GLIS1: variants seen among roughly 807,000 people sequenced by gnomAD.
GLIS1 encodes the protein zinc finger protein GLIS1.
GLIS1 carries 24 observed loss-of-function variants against 63.8 expected under a neutral mutation model. The observed-to-expected ratio is 0.38, with a 90% CI of 0.27 to 0.53. GLIS1 has a LOEUF of 0.53. GLIS1 is among the 20% of genes least tolerant of loss of function. GLIS1 has a pLI of 0.85. For synonymous variants in GLIS1, 450 were observed against 482.5 expected (o/e 0.93, Z 0.88); for missense variants, 1,036 against 1,074.1 (o/e 0.96, Z 0.50).
chr1:53,507,743 A>G (rs1351110972), intron 10 of GLIS1, among the ~76,000 whole-genome samples: 2 of 152,104 alleles, frequency 1.3e-5, no homozygotes, highest in Non-Finnish European at 2.9e-5. Flanking sequence ...AGGCTGAAAG[A>G]ACCTCCCCTG....
rs377702387 is a variant in GLIS1, at chr1:53,579,599, A to G, written c.1320+14509T>C. Among the ~76,000 whole-genome samples, 7 of 152,356 alleles carry G rather than the reference A, an allele frequency of 4.6e-5. No individual in the cohort carries two copies. The South Asian group carries it at 8.3e-4, about 18-fold the overall frequency. The stretch of plus-strand genomic sequence containing the variant: ...CCCGACAGAGGTGCTGACTGCAGGC[A>G]TCATACCCTCTGTTCCTATCAGCTG... On this transcript the variant is annotated intron_variant, in intron 4 of 10. Transcript: ENST00000628545.
chr1:53,556,098 G>GGT (rs146005547), intron 4 of GLIS1, among the ~76,000 whole-genome samples: 1 of 130,384 alleles, frequency 7.7e-6, no homozygotes, highest in Admixed American at 7.9e-5. Flanking sequence ...GTGTACTGCA[G>GGT]GTGTGTGTGT....
intron 4 of GLIS1, among the ~76,000 whole-genome samples, chr1:53,544,423 GT>G: frequency 6.6e-6 from 1 of 152,162 alleles, no homozygotes; most frequent in Non-Finnish European, 1.5e-5. Context: ...CCAGGTACAT[GT>G]GCATCCTGCC....
At chr1:53,687,987 G>C (rs930708017) in intron 2 of GLIS1, among the ~76,000 whole-genome samples, 5 of 152,162 alleles carry the variant, frequency 3.3e-5, no homozygotes, top group African/African-American at 1.2e-4. Flanking sequence ...AAGCCCGGAG[G>C]ACCCAGCCTC....
chr1:53,630,848 T>C (rs752341104), intron 2 of GLIS1, among the ~76,000 whole-genome samples: 3 of 152,236 alleles, frequency 2.0e-5, no homozygotes, highest in Admixed American at 2.0e-4. Flanking sequence ...AGGATTTCCT[T>C]TCTCTCTGCT....
At chr1:53,675,452 G>A (rs1646200949) in intron 2 of GLIS1, among the ~76,000 whole-genome samples, 1 of 152,196 alleles carries the variant, frequency 6.6e-6, no homozygotes, top group African/African-American at 2.4e-5. Flanking sequence ...GGTGGTGCCT[G>A]GCTCAGACCC....
At chr1:53,720,949 G>C (rs1447381451) in intron 2 of GLIS1, among the ~76,000 whole-genome samples, 2 of 151,430 alleles carry the variant, frequency 1.3e-5, no homozygotes, top group African/African-American at 4.8e-5. Context: ...AGTGGGCCGA[G>C]ATCACGCCAC....
At chr1:53,652,563 C>T (rs1043380319) in intron 2 of GLIS1, among the ~76,000 whole-genome samples, 82 of 152,134 alleles carry the variant, frequency 5.4e-4, no homozygotes, top group African/African-American at 2.0e-3. Flanking sequence ...ACCATGAGCC[C>T]CTGGAGGGCA....
At chr1:53,620,438 T>G (rs1179348654) in intron 2 of GLIS1, among the ~76,000 whole-genome samples, 1 of 152,236 alleles carries the variant, frequency 6.6e-6, no homozygotes, top group Non-Finnish European at 1.5e-5. Flanking sequence ...TTCTTCTCAC[T>G]GCCAGTTTAT....
intron 4 of GLIS1, among the ~76,000 whole-genome samples, chr1:53,588,641 T>C (rs1303926340): frequency 6.6e-6 from 1 of 152,164 alleles, no homozygotes; most frequent in Non-Finnish European, 1.5e-5. Flanking sequence ...GGCCTTAAAA[T>C]GCTCAAGCCC....
In GLIS1 at chr1:53,594,956, T is replaced by A; in HGVS notation, c.472A>T (p.Ser158Cys). Residue 158 changes from serine to cysteine, a missense_variant, in exon 4 of 11, where the codon AGC becomes TGC. Around this residue, in one of 3 missense-constraint regions of GLIS1, gnomAD observed 592 missense variants for 593.9 expected, o/e 1.00. Transcript: ENST00000628545. Reference protein sequence around the residue: ...PRPQATYVNGSLPTTQHIKQE... With the variant: ...PRPQATYVNGCLPTTQHIKQE... ...TTGATGTGTTGTGTGGTTGGGAGGC[T>A]GCCGTTCACATACGTGGCCTGGGGT... The A allele has an allele frequency of 1.4e-6, 2 of 1,461,536 alleles. No individual in the cohort carries two copies. The highest frequency in any genetic ancestry group is 1.8e-6 in the Non-Finnish European group (2 of 1,113,272). 90.5% of individuals were successfully genotyped at this position (1,461,536 alleles called of 1,614,324 possible). A position where few individuals can be genotyped will look rare whatever the true frequency, so the allele number is the denominator to read the frequency against.
intron 4 of GLIS1, among the ~76,000 whole-genome samples, chr1:53,536,393 T>C (rs1644582054): frequency 6.6e-6 from 1 of 152,094 alleles, no homozygotes; most frequent in African/African-American, 2.4e-5. Context: ...TAAAACATAT[T>C]TGAAGATGAA....
chr1:53,588,196 G>C (rs1645154849), intron 4 of GLIS1, among the ~76,000 whole-genome samples: 2 of 152,078 alleles, frequency 1.3e-5, no homozygotes, highest in South Asian at 4.1e-4. Flanking sequence ...TCAGCTCCTG[G>C]CTCCCCTCCC....
chr1:53,684,278 C>T (rs1306937181), intron 2 of GLIS1, among the ~76,000 whole-genome samples: 6 of 152,114 alleles, frequency 3.9e-5, no homozygotes, highest in African/African-American at 1.2e-4. Context: ...CAGAACTCAA[C>T]ACAGGGCTGG....
rs1219949800 is a variant in GLIS1 at position 53,529,791 on chromosome 1, C to T, written c.1482G>A (p.Thr494=). ...CTGGGCCTCTGCCTGTTGGGCCTAC[C>T]GTGTCTAGGTGGGTGCGCTGGTGCT... ...RAKHQRTHLD[T]KPYACQIPGC... The change falls in exon 5 of 11, where the codon ACG becomes ACA. Residue 494 remains threonine, a splice_region_variant and synonymous_variant. Transcript: ENST00000628545. 1.2e-6 allele frequency: 2 copies of T among 1,610,732 alleles called. No homozygotes were observed. Among genetic ancestry groups the T allele is most frequent in the Non-Finnish European group, 1.7e-6 (2 of 1,179,652 alleles).
intron 2 of GLIS1, among the ~76,000 whole-genome samples, chr1:53,632,373 G>A (rs1410691035): frequency 1.3e-5 from 2 of 149,146 alleles, no homozygotes; most frequent in East Asian, 2.0e-4. Flanking sequence ...GGACTGAGGG[G>A]TGTGTGAGTG....
chr1:53,648,106 G>A (rs370215634), intron 2 of GLIS1, among the ~76,000 whole-genome samples: 8 of 151,980 alleles, frequency 5.3e-5, no homozygotes, highest in African/African-American at 1.9e-4. Flanking sequence ...CCTAGGAGGT[G>A]GAGGCTGCAG....
intron 2 of GLIS1, among the ~76,000 whole-genome samples, chr1:53,709,349 C>CATATACAT (rs1646615360): frequency 1.5e-5 from 2 of 134,904 alleles, no homozygotes; most frequent in African/African-American, 6.3e-5. Context: ...TACATATATA[C>CATATACAT]ATATATATAC....
chr1:53,582,110 G>A (rs957330388), intron 4 of GLIS1, among the ~76,000 whole-genome samples: 7 of 152,124 alleles, frequency 4.6e-5, no homozygotes, highest in East Asian at 1.9e-4. Context: ...AGGGTCAGGA[G>A]ACCTAGGAGG....
Sources: allele counts gnomAD v4.1 joint callset (sites outside exome capture counted in the v4.1 genomes callset), GRCh38; gene constraint gnomAD v4.1.1; regional missense constraint gnomAD v4.1.1; transcripts MANE v1.5; gene names NCBI Gene and HGNC (gene_info 2026-07-23, HGNC 2026-07-21).